PRP4K: variants seen among roughly 807,000 people sequenced by gnomAD.
The protein encoded by PRP4K is serine/threonine-protein kinase PRP4 homolog.
At chr6:4,051,924 T>A in the PRP4K span, 3 of 1,415,080 alleles carry the variant, frequency 2.1e-6, no homozygotes, top group South Asian at 4.1e-5. Flanking sequence ...CTGTATATAT[T>A]CAATTTTACC....
At chr6:4,022,442 C>T in the PRP4K span, among the ~76,000 whole-genome samples, 4 of 146,906 alleles carry the variant, frequency 2.7e-5, no homozygotes, top group South Asian at 6.6e-4. Context: ...GGCAATGTTC[C>T]TATAGCGACC....
the PRP4K span, among the ~76,000 whole-genome samples, chr6:4,037,795 T>C: frequency 6.6e-6 from 1 of 152,164 alleles, no homozygotes; most frequent in African/African-American, 2.4e-5. Flanking sequence ...AAAATTAGTC[T>C]TTTAAAAATA....
the PRP4K span, among the ~76,000 whole-genome samples, chr6:4,024,888 G>A: frequency 2.0e-5 from 3 of 152,178 alleles, no homozygotes; most frequent in African/African-American, 4.8e-5. Flanking sequence ...ACAGTCATAA[G>A]CCACTGCACC....
At chr6:4,049,263 G>T in the PRP4K span, among the ~76,000 whole-genome samples, 1 of 152,232 alleles carries the variant, frequency 6.6e-6, no homozygotes, top group Non-Finnish European at 1.5e-5. Context: ...ATGAACTCGT[G>T]TGTATTCTAA....
chr6:4,047,301 G>T, the PRP4K span: 4 of 1,345,348 alleles, frequency 3.0e-6, no homozygotes, highest in Non-Finnish European at 4.3e-6. Context: ...AAATATATTG[G>T]TGCGTATATA....
the PRP4K span, among the ~76,000 whole-genome samples, chr6:4,051,086 T>G: frequency 6.6e-6 from 1 of 151,970 alleles, no homozygotes; most frequent in East Asian, 1.9e-4. Flanking sequence ...ATTCTTGTAT[T>G]TTCACTAGAG....
chr6:4,024,855 A>T, the PRP4K span, among the ~76,000 whole-genome samples: 1 of 152,176 alleles, frequency 6.6e-6, no homozygotes, highest in Non-Finnish European at 1.5e-5. Flanking sequence ...CGCCAGTCTC[A>T]GCCTCCCAAA....
At chr6:4,034,371 A>G in the PRP4K span, among the ~76,000 whole-genome samples, 7 of 152,174 alleles carry the variant, frequency 4.6e-5, no homozygotes, top group African/African-American at 1.2e-4. Flanking sequence ...ATATGCGAAG[A>G]TGTGCCTTGG....
chr6:4,049,568 C>A, the PRP4K span: 1 of 663,644 alleles, frequency 1.5e-6, no homozygotes, highest in South Asian at 2.3e-5. Context: ...TCTAACCACA[C>A]TCTGATAGAG....
the PRP4K span, chr6:4,052,074 T>C: frequency 6.3e-7 from 1 of 1,595,418 alleles, no homozygotes; most frequent in Non-Finnish European, 8.5e-7. Flanking sequence ...AGCATCTTTG[T>C]CTGGTATTCG....
At chr6:4,021,353 C>T in the PRP4K span, 13 of 1,546,802 alleles carry the variant, frequency 8.4e-6, no homozygotes, top group Admixed American at 3.9e-5. Context: ...TCTTTTCCTT[C>T]TTCCTCCACT....
the PRP4K span, chr6:4,057,107 G>A: frequency 6.2e-7 from 1 of 1,612,656 alleles, no homozygotes; most frequent in Non-Finnish European, 8.5e-7. Flanking sequence ...ACTCTATACT[G>A]GAAAAATTTT....
the PRP4K span, among the ~76,000 whole-genome samples, chr6:4,054,594 A>G: frequency 5.3e-5 from 8 of 151,582 alleles, no homozygotes; most frequent in Admixed American, 3.9e-4. Context: ...GCAACCTCCA[A>G]CTCCCTGGTT....
the PRP4K span, among the ~76,000 whole-genome samples, chr6:4,023,145 G>T: frequency 6.6e-6 from 1 of 152,154 alleles, no homozygotes; most frequent in African/African-American, 2.4e-5. Flanking sequence ...TAACCATTTG[G>T]TATGAAAGCA....
At chr6:4,031,549 A>G in the PRP4K span, 6 of 1,484,722 alleles carry the variant, frequency 4.0e-6, no homozygotes, top group Non-Finnish European at 5.4e-6. Flanking sequence ...TGTGTTTGAT[A>G]TATTTATAGG....
At chr6:4,034,753 G>T in the PRP4K span, among the ~76,000 whole-genome samples, 1 of 151,186 alleles carries the variant, frequency 6.6e-6, no homozygotes, top group African/African-American at 2.4e-5. Flanking sequence ...TTGCTCTGTT[G>T]CCAGGCTGGA....
At chr6:4,026,474 T>C in the PRP4K span, among the ~76,000 whole-genome samples, 53 of 152,108 alleles carry the variant, frequency 3.5e-4, no homozygotes. Context: ...GGCTAGTTTT[T>C]TGTATTTTTG....
At chr6:4,038,464 A>G in the PRP4K span, among the ~76,000 whole-genome samples, 15 of 141,342 alleles carry the variant, frequency 1.1e-4, no homozygotes, top group African/African-American at 4.0e-4. Context: ...TTTTTTTTGT[A>G]TTTTTCTAAA....
At chr6:4,031,505 C>T in the PRP4K span, 1 of 1,296,208 alleles carries the variant, frequency 7.7e-7, no homozygotes, top group Non-Finnish European at 1.1e-6. Flanking sequence ...TCTTATGGCT[C>T]TTTGAATACT....
Sources: gnomAD v4.1 joint callset for allele counts (sites outside exome capture counted in the v4.1 genomes callset) on GRCh38, gnomAD v4.1.1 for gene constraint, MANE v1.5 for transcripts, NCBI Gene and HGNC (gene_info 2026-07-23, HGNC 2026-07-21) for gene names.